Variants in EYS observed in about 807,000 individuals in gnomAD.
EYS encodes the protein protein eyes shut homolog.
In EYS, 250 loss-of-function variants were observed where a neutral mutation model predicts 282.1. The observed-to-expected ratio is 0.89, with a 90% CI of 0.80 to 0.98. EYS has a LOEUF of 0.98. Among genes scored for constraint, EYS ranks in the 50% least tolerant of loss-of-function variants. EYS has a pLI of 0.00. For missense variants in EYS, 4,016 were observed against 3,709.0 expected (o/e 1.08, Z -2.15); for synonymous variants, 1,355 against 1,282.9 (o/e 1.06, Z -1.20).
chr6:63,804,825 T>C (rs1186100883), intron 37 of EYS, among the ~76,000 whole-genome samples: 2 of 152,224 alleles, frequency 1.3e-5, no homozygotes, highest in Non-Finnish European at 2.9e-5. Flanking sequence ...ACAATGTGGA[T>C]AATTAATTGC....
intron 32 of EYS, among the ~76,000 whole-genome samples, chr6:64,072,713 A>G (rs1771634266): frequency 6.6e-6 from 1 of 151,868 alleles, no homozygotes; most frequent in African/African-American, 2.4e-5. Context: ...GCACTAAAGG[A>G]CAGTCTGTTA....
chr6:63,926,163 C>T (rs910786663), intron 35 of EYS, among the ~76,000 whole-genome samples: 1 of 152,202 alleles, frequency 6.6e-6, no homozygotes, highest in African/African-American at 2.4e-5. Context: ...TTCCCATTAA[C>T]TGTCACTTTT....
intron 33 of EYS, among the ~76,000 whole-genome samples, chr6:64,001,936 G>A (rs1768113709): frequency 6.6e-6 from 1 of 152,204 alleles, no homozygotes; most frequent in Non-Finnish European, 1.5e-5. Flanking sequence ...TTTGGCCTGT[G>A]CCTGAGAAAC....
chr6:64,609,494 G>T (rs867171198), intron 24 of EYS, among the ~76,000 whole-genome samples: 2 of 152,102 alleles, frequency 1.3e-5, no homozygotes, highest in South Asian at 2.1e-4. Flanking sequence ...ATCAGGAAGG[G>T]GTCAAACTGC....
chr6:65,094,456 G>C (rs553751117), intron 12 of EYS, among the ~76,000 whole-genome samples: 21 of 151,268 alleles, frequency 1.4e-4, no homozygotes, highest in African/African-American at 5.1e-4. Context: ...ATAATCTTTG[G>C]AACAGATCAC....
intron 26 of EYS, among the ~76,000 whole-genome samples, chr6:64,460,447 C>A (rs1775706789): frequency 6.6e-6 from 1 of 152,118 alleles, no homozygotes; most frequent in Non-Finnish European, 1.5e-5. Context: ...ATGTATGTTA[C>A]AATTAACACA....
chr6:64,911,911 A>G (rs1768005975), intron 16 of EYS, among the ~76,000 whole-genome samples: 1 of 152,184 alleles, frequency 6.6e-6, no homozygotes, highest in Non-Finnish European at 1.5e-5. Flanking sequence ...ATGACCCAGA[A>G]AGCCAGAAAT....
At chr6:65,142,065 T>C (rs1180144487) in intron 12 of EYS, among the ~76,000 whole-genome samples, 1 of 152,058 alleles carries the variant, frequency 6.6e-6, no homozygotes, top group East Asian at 1.9e-4. Context: ...TTGTACATGA[T>C]TAGATCTTTC....
intron 35 of EYS, among the ~76,000 whole-genome samples, chr6:63,924,449 G>C (rs1764659379): frequency 6.6e-6 from 1 of 152,246 alleles, no homozygotes; most frequent in African/African-American, 2.4e-5. Context: ...CTTCTGCATA[G>C]TGTTTTAGAG....
intron 37 of EYS, among the ~76,000 whole-genome samples, chr6:63,795,868 G>A (rs1254036212): frequency 6.6e-6 from 1 of 152,090 alleles, no homozygotes; most frequent in Non-Finnish European, 1.5e-5. Context: ...AACATAACAA[G>A]GAGAGAAAAT....
rs998655426 is a variant in EYS, at chr6:63,825,099, T to C, written c.7229-18727A>G. The stretch of plus-strand genomic sequence containing the variant: ...AGTGAGACTGGCCCTTCAGTTTGCA[T>C]GGGAGCTGGGTGAGGCCTGTGACTG... On this transcript the variant is annotated intron_variant, in intron 36 of 42. Transcript: ENST00000503581. 4.6e-5 allele frequency among the ~76,000 whole-genome samples: 7 copies of C among 152,262 alleles called. No homozygotes were observed. In the East Asian group the frequency reaches 5.8e-4, roughly 13 times the overall value.
rs1772537988 is a variant in EYS at position 64,375,641 on chromosome 6, T to G, written c.6078+13049A>C. 2.0e-5 allele frequency among the ~76,000 whole-genome samples: 3 copies of G among 152,178 alleles called. No individual in the cohort carries two copies. In the South Asian group the frequency reaches 6.2e-4, roughly 31 times the overall value. ...CCTGAAGACAGCTGAAGAGCCAAATTGACTCAAGACAGTTTGCAAAAAGAG... is the reference window on the plus strand; with the variant it reads ...CCTGAAGACAGCTGAAGAGCCAAATGGACTCAAGACAGTTTGCAAAAAGAG... On this transcript the variant is annotated intron_variant, in intron 29 of 42. Transcript: ENST00000503581.
At chr6:63,874,956 T>C (rs933455368) in intron 35 of EYS, among the ~76,000 whole-genome samples, 4 of 152,106 alleles carry the variant, frequency 2.6e-5, no homozygotes, top group Non-Finnish European at 4.4e-5. Flanking sequence ...AATTGAATAC[T>C]CTTTATTTCT....
intron 28 of EYS, among the ~76,000 whole-genome samples, chr6:64,420,240 G>A (rs371954791): frequency 2.5e-4 from 38 of 150,932 alleles, no homozygotes; most frequent in African/African-American, 8.5e-4. Context: ...TTGAGCCACC[G>A]CTACAGTGGC....
intron 2 of EYS, among the ~76,000 whole-genome samples, chr6:65,589,487 C>A (rs1265060732): frequency 1.3e-5 from 2 of 152,002 alleles, no homozygotes; most frequent in Non-Finnish European, 2.9e-5. Context: ...CACACTTGTA[C>A]ACACACTCAC....
intron 8 of EYS, among the ~76,000 whole-genome samples, chr6:65,377,821 C>T (rs1765435301): frequency 6.6e-6 from 1 of 152,156 alleles, no homozygotes; most frequent in East Asian, 1.9e-4. Context: ...CATATACATC[C>T]TCCCAGGAGG....
intron 35 of EYS, among the ~76,000 whole-genome samples, chr6:63,912,363 A>G (rs1229443597): frequency 1.3e-5 from 2 of 152,216 alleles, no homozygotes; most frequent in African/African-American, 4.8e-5. Flanking sequence ...TAATAGCCAC[A>G]TTATAAAAAA....
intron 5 of EYS, among the ~76,000 whole-genome samples, chr6:65,425,674 G>A (rs1328676996): frequency 6.6e-6 from 1 of 152,040 alleles, no homozygotes; most frequent in Admixed American, 6.6e-5. Context: ...AGTGAGCAGA[G>A]GCTAAGAATC....
At chr6:65,555,427 C>A (rs79927953) in intron 2 of EYS, among the ~76,000 whole-genome samples, 8,837 of 151,954 alleles carry the variant, frequency 0.058, 764 homozygotes, top group African/African-American at 0.18. Flanking sequence ...TAGCCCTTTA[C>A]TTTATTTTTT....
Sources: allele counts gnomAD v4.1 joint callset (sites outside exome capture counted in the v4.1 genomes callset), GRCh38; gene constraint gnomAD v4.1.1; transcripts MANE v1.5; gene names NCBI Gene and HGNC (gene_info 2026-07-23, HGNC 2026-07-21).